Variants in EXOC6B observed in about 807,000 individuals in gnomAD.
The protein encoded by EXOC6B is SEC15 homolog B.
A neutral mutation model predicts 113.5 loss-of-function variants in EXOC6B; 54 were observed. The ratio of observed to expected loss-of-function variants is 0.48; its 90% CI spans 0.38 to 0.60. EXOC6B has a LOEUF of 0.60. EXOC6B is among the 20% of genes least tolerant of loss of function. EXOC6B has a pLI of 0.00. For synonymous variants in EXOC6B, 357 were observed against 339.0 expected, an observed-to-expected ratio of 1.05 and a Z score of -0.58; for missense variants, 797 against 977.5, an observed-to-expected ratio of 0.82 and a Z score of 2.46.
chr2:72,521,932 G>C (rs1701510235), intron 8 of EXOC6B, among the ~76,000 whole-genome samples: 1 of 152,158 alleles, frequency 6.6e-6, no homozygotes, highest in East Asian at 1.9e-4. Flanking sequence ...TCGTGACCTT[G>C]TGATCCACCT....
At chr2:72,563,862 A>T (rs548132266) in intron 7 of EXOC6B, among the ~76,000 whole-genome samples, 2 of 152,246 alleles carry the variant, frequency 1.3e-5, no homozygotes, top group African/African-American at 4.8e-5. Flanking sequence ...TTTACATATT[A>T]AAAAAAGGAT....
In EXOC6B at chr2:72,640,634, A is replaced by G. The variant is rs62150293; in HGVS notation, c.670-64966T>C. On this transcript the variant is annotated intron_variant, in intron 6 of 21. Transcript: ENST00000272427. ...AGAGAAAAGGTCACCTACAAAGGGA[A>G]GCCTATCAGACTAACAGCACACATC... Among the ~76,000 whole-genome samples the G allele has an allele frequency of 2.9e-3, 444 of 152,346 alleles. 2 individuals are homozygous for G. The highest frequency in any genetic ancestry group is 4.9e-3 in the Non-Finnish European group (335 of 68,040).
intron 18 of EXOC6B, among the ~76,000 whole-genome samples, chr2:72,428,455 G>A (rs1695332005): frequency 6.6e-6 from 1 of 152,198 alleles, no homozygotes; most frequent in South Asian, 2.1e-4. Flanking sequence ...CTTGCAGAGA[G>A]CTGGAACCCA....
intron 1 of EXOC6B, among the ~76,000 whole-genome samples, chr2:72,780,573 T>C (rs1401591329): frequency 7.9e-5 from 12 of 152,218 alleles, no homozygotes. Context: ...TTCATGTAAC[T>C]TGGCAAGCTG....
chr2:72,436,491 G>C (rs1026624083), intron 18 of EXOC6B, among the ~76,000 whole-genome samples: 1 of 152,112 alleles, frequency 6.6e-6, no homozygotes, highest in African/African-American at 2.4e-5. Context: ...CCTGAAGTGT[G>C]TTTTCCAACT....
Position 72,469,277 on chromosome 2 carries a change from A to G in EXOC6B, c.1801-3938T>C, listed in dbSNP as rs193277457. On this transcript the variant is annotated intron_variant, in intron 17 of 21. Transcript: ENST00000272427. Reference sequence around the variant, plus strand: ...AGGATTTTCTCTACTGATTTTCTATACTGGTTTTCATTTTCATTGATTTCT... The same window carrying G: ...AGGATTTTCTCTACTGATTTTCTATGCTGGTTTTCATTTTCATTGATTTCT... Among the ~76,000 whole-genome samples the G allele has an allele frequency of 2.0e-5, 3 of 151,922 alleles. No homozygotes were observed. The East Asian group carries it at 5.8e-4, about 29-fold the overall frequency.
chr2:72,713,122 T>A (rs925696114), intron 6 of EXOC6B, among the ~76,000 whole-genome samples: 2 of 152,230 alleles, frequency 1.3e-5, no homozygotes, highest in Non-Finnish European at 2.9e-5. Flanking sequence ...AGTGATGTTT[T>A]GGCTGATATA....
chr2:72,687,039 G>A (rs1453364302), intron 6 of EXOC6B, among the ~76,000 whole-genome samples: 2 of 151,818 alleles, frequency 1.3e-5, no homozygotes, highest in African/African-American at 2.4e-5. Flanking sequence ...TCGGGAGGCT[G>A]AGGCAGGAGA....
intron 20 of EXOC6B, among the ~76,000 whole-genome samples, chr2:72,193,811 TA>T (rs1284958622): frequency 1.3e-5 from 2 of 152,184 alleles, no homozygotes; most frequent in African/African-American, 4.8e-5. Flanking sequence ...AGATTGATTT[TA>T]GCCTAGAGAC....
intron 6 of EXOC6B, among the ~76,000 whole-genome samples, chr2:72,691,889 G>C (rs1438800748): frequency 6.6e-6 from 1 of 151,290 alleles, no homozygotes; most frequent in East Asian, 1.9e-4. Flanking sequence ...TCACCATGTT[G>C]GCCAGTCTGG....
chr2:72,286,056 A>G (rs991609560), intron 20 of EXOC6B, among the ~76,000 whole-genome samples: 1 of 152,202 alleles, frequency 6.6e-6, no homozygotes. Context: ...GCAAAATGGT[A>G]TAGTCACTTT....
intron 20 of EXOC6B, among the ~76,000 whole-genome samples, chr2:72,330,470 C>G (rs964327444): frequency 2.6e-5 from 4 of 152,030 alleles, no homozygotes; most frequent in African/African-American, 9.7e-5. Flanking sequence ...CCTAATTAAA[C>G]TAACATACAA....
At chr2:72,718,335 T>C (rs749036710) in intron 5 of EXOC6B, 28 bp from the exon 6 acceptor site, 29 of 1,596,828 alleles carry the variant, frequency 1.8e-5, no homozygotes, top group Non-Finnish European at 6.8e-6. Context: ...CACCTTTAGC[T>C]CACTCAGTTT....
chr2:72,179,864 T>C (rs1377615866), intron 21 of EXOC6B, among the ~76,000 whole-genome samples: 1 of 152,216 alleles, frequency 6.6e-6, no homozygotes, highest in African/African-American at 2.4e-5. Flanking sequence ...TACTAAATCC[T>C]GATAGGACCT....
rs574526485 is a variant in EXOC6B, at chr2:72,194,213, G to T, written c.2197-10026C>A. On this transcript the variant is annotated intron_variant, in intron 20 of 21. Transcript: ENST00000272427. ...ATAAAATTCATTATCTTAACAACTGGCGTAAGAATTATTTTATGGGAGAAA... is the reference window on the plus strand; with the variant it reads ...ATAAAATTCATTATCTTAACAACTGTCGTAAGAATTATTTTATGGGAGAAA... Among the ~76,000 whole-genome samples, 4 of 152,208 alleles carry T rather than the reference G, an allele frequency of 2.6e-5. No individual in the cohort carries two copies. The South Asian group carries it at 8.3e-4, about 32-fold the overall frequency.
At chr2:72,325,606 C>T (rs959479180) in intron 20 of EXOC6B, among the ~76,000 whole-genome samples, 3 of 151,844 alleles carry the variant, frequency 2.0e-5, no homozygotes, top group African/African-American at 7.2e-5. Context: ...TCTGACATGG[C>T]CCACGGTGCC....
At chr2:72,800,731 A>G (rs946718554) in intron 1 of EXOC6B, among the ~76,000 whole-genome samples, 9 of 152,194 alleles carry the variant, frequency 5.9e-5, no homozygotes, top group African/African-American at 2.2e-4. Flanking sequence ...ATCTAACTCC[A>G]AAGTCTGGAC....
intron 18 of EXOC6B, among the ~76,000 whole-genome samples, chr2:72,446,559 G>A (rs1696596240): frequency 6.6e-6 from 1 of 152,146 alleles, no homozygotes; most frequent in African/African-American, 2.4e-5. Flanking sequence ...TTGTAAGTGG[G>A]AGATAAATGA....
intron 6 of EXOC6B, among the ~76,000 whole-genome samples, chr2:72,576,530 G>T (rs1704869942): frequency 6.6e-6 from 1 of 152,132 alleles, no homozygotes; most frequent in African/African-American, 2.4e-5. Context: ...CAAGGCAAGT[G>T]AGTGGTAAAT....
Sources: allele counts gnomAD v4.1 joint callset (sites outside exome capture counted in the v4.1 genomes callset), GRCh38; gene constraint gnomAD v4.1.1; transcripts MANE v1.5; gene names NCBI Gene and HGNC (gene_info 2026-07-23, HGNC 2026-07-21).